BLTP1: variants seen among roughly 807,000 people sequenced by gnomAD.
BLTP1 encodes bridge-like lipid transfer protein family member 1, also known as fragile site-associated protein.
At chr4:122,214,591 C>CT in the BLTP1 span, 5 of 153,670 alleles carry the variant, frequency 3.3e-5, no homozygotes, top group Non-Finnish European at 4.5e-5. Context: ...TTTTTGGTAA[C>CT]TATTTTTTTT....
chr4:122,343,869 G>T, the BLTP1 span: 1 of 758,700 alleles, frequency 1.3e-6, no homozygotes, highest in Non-Finnish European at 1.6e-6. Context: ...GGATATCAGA[G>T]ATTACTTATG....
At chr4:122,287,530 C>T in the BLTP1 span, 34 of 974,448 alleles carry the variant, frequency 3.5e-5, no homozygotes, top group Non-Finnish European at 4.0e-5. Flanking sequence ...TTCAGACACA[C>T]TGTGCTGTGT....
the BLTP1 span, chr4:122,172,059 A>C: frequency 4.9e-6 from 3 of 606,440 alleles, no homozygotes; most frequent in Non-Finnish European, 6.2e-6. Flanking sequence ...CATCAAAATA[A>C]CTTTACAAAA....
chr4:122,318,235 G>C, the BLTP1 span: 1 of 1,611,460 alleles, frequency 6.2e-7, no homozygotes, highest in Non-Finnish European at 8.5e-7. Flanking sequence ...CATTAGAAGA[G>C]ATGTTCGTAA....
the BLTP1 span, among the ~76,000 whole-genome samples, chr4:122,169,281 T>G: frequency 6.6e-6 from 1 of 152,164 alleles, no homozygotes; most frequent in Non-Finnish European, 1.5e-5. Context: ...TGTCCAAAGA[T>G]AAGAGTTGTG....
At chr4:122,191,837 T>C in the BLTP1 span, among the ~76,000 whole-genome samples, 2 of 152,124 alleles carry the variant, frequency 1.3e-5, no homozygotes, top group Non-Finnish European at 2.9e-5. Context: ...CCACCTGTTT[T>C]CTATTAAGCT....
chr4:122,228,155 C>T, the BLTP1 span, among the ~76,000 whole-genome samples: 5 of 152,060 alleles, frequency 3.3e-5, no homozygotes, highest in African/African-American at 9.7e-5. Flanking sequence ...CCTCGTGATC[C>T]GCCTGCCTTT....
the BLTP1 span, chr4:122,337,263 A>C: frequency 2.1e-6 from 1 of 467,464 alleles, no homozygotes; most frequent in Non-Finnish European, 3.7e-6. Context: ...TGAATAGCGT[A>C]AGTCAGTAAT....
the BLTP1 span, chr4:122,240,156 C>A: frequency 1.2e-6 from 2 of 1,614,088 alleles, no homozygotes; most frequent in Non-Finnish European, 1.7e-6. Context: ...GGAGAGTGAA[C>A]AGATTACTCC....
chr4:122,226,536 A>G, the BLTP1 span: 1 of 1,446,352 alleles, frequency 6.9e-7, no homozygotes. Flanking sequence ...CATGTAAATG[A>G]TATTAAAGGT....
At chr4:122,336,212 G>A in the BLTP1 span, 11 of 1,604,524 alleles carry the variant, frequency 6.9e-6, no homozygotes, top group Non-Finnish European at 8.5e-6. Flanking sequence ...AGGAAGTGGA[G>A]GAGTAAAAAC....
At chr4:122,327,419 T>C in the BLTP1 span, among the ~76,000 whole-genome samples, 643 of 151,940 alleles carry the variant, frequency 4.2e-3, 2 homozygotes, top group African/African-American at 0.014. Context: ...ATATGTATTA[T>C]TTTTTATTGT....
At chr4:122,185,406 G>GT in the BLTP1 span, 8 of 985,340 alleles carry the variant, frequency 8.1e-6, no homozygotes, top group Non-Finnish European at 9.6e-6. Flanking sequence ...GCTCTCTTTG[G>GT]TTGACATGTG....
At chr4:122,352,539 T>A in the BLTP1 span, among the ~76,000 whole-genome samples, 1 of 152,034 alleles carries the variant, frequency 6.6e-6, no homozygotes. Flanking sequence ...TTGGTATTTT[T>A]AGTAGAGACA....
At chr4:122,224,558 C>G in the BLTP1 span, 5 of 1,613,986 alleles carry the variant, frequency 3.1e-6, no homozygotes, top group Non-Finnish European at 3.4e-6. Context: ...AGGTCTCCAG[C>G]TGAGAGCACA....
chr4:122,179,857 A>G, the BLTP1 span: 3 of 985,194 alleles, frequency 3.0e-6, no homozygotes, highest in African/African-American at 5.2e-5. Flanking sequence ...AAATACACAG[A>G]GGCTACATGC....
chr4:122,276,635 G>C, the BLTP1 span: 3 of 973,872 alleles, frequency 3.1e-6, no homozygotes, highest in Non-Finnish European at 3.7e-6. Context: ...TTAAACAATG[G>C]TTTTAATTAT....
At chr4:122,208,320 T>A in the BLTP1 span, 10 of 802,494 alleles carry the variant, frequency 1.2e-5, no homozygotes, top group Non-Finnish European at 1.4e-5. Context: ...TAGAGAGTTA[T>A]TGGGCAGTAT....
chr4:122,277,051 G>T, the BLTP1 span: 2 of 985,114 alleles, frequency 2.0e-6, no homozygotes, highest in Non-Finnish European at 2.4e-6. Context: ...TGATTGTCAA[G>T]AATCATTTGC....
Sources: allele counts gnomAD v4.1 joint callset (sites outside exome capture counted in the v4.1 genomes callset), GRCh38; gene constraint gnomAD v4.1.1; transcripts MANE v1.5; gene names NCBI Gene and HGNC (gene_info 2026-07-23, HGNC 2026-07-21).